The following FBXO22 variants were observed in gnomAD, a reference collection of about 807,000 sequenced individuals.
FBXO22 encodes F-box protein 22.
A neutral mutation model predicts 37.2 loss-of-function variants in FBXO22; 13 were observed. That is an observed-to-expected ratio of 0.35 (90% CI 0.23 to 0.56). FBXO22 has a LOEUF of 0.56. Ranked by LOEUF, FBXO22 falls within the 20% of genes least tolerant of loss-of-function variation. FBXO22 has a pLI of 0.87. For synonymous variants in FBXO22, 189 were observed against 189.1 expected (o/e 1.00, Z 0.00); for missense variants, 446 against 509.9 (o/e 0.87, Z 1.21).
At position 75,939,107 on chromosome 15, in the gene FBXO22, G is replaced by A. The variant is rs1323350624; in HGVS notation, c.*6005G>A. ...GAAGGAAATAATAAAGATTAGAACA[G>A]ATATAATAAATTGAATAAAGATTAG... On this transcript the variant is annotated 3_prime_UTR_variant, in exon 7 of 7. Transcript: ENST00000308275. 2 of 151,928 alleles carry A rather than the reference G, an allele frequency of 1.3e-5. No individual in the cohort carries two copies. The highest frequency in any genetic ancestry group is 1.3e-4 in the Admixed American group (2 of 15,258). 9.4% of individuals were successfully genotyped at this position (151,928 alleles called of 1,614,324 possible).
intron 6 of FBXO22, among the ~76,000 whole-genome samples, chr15:75,931,850 C>T (rs2030030983): frequency 6.6e-6 from 1 of 152,012 alleles, no homozygotes; most frequent in Non-Finnish European, 1.5e-5. Context: ...ATAAACAAGA[C>T]AAAAAAATAA....
Position 75,913,259 on chromosome 15 carries a change from T to C in FBXO22, c.336T>C (p.Ile112=), listed in dbSNP as rs371666062. The C allele has an allele frequency of 8.7e-6, 14 of 1,611,000 alleles. No individual in the cohort carries two copies. The highest frequency in any genetic ancestry group is 5.3e-5 in the African/African-American group (4 of 74,868). Residue 112 remains isoleucine, a synonymous_variant, in exon 3 of 7, where the codon ATT becomes ATC. Transcript: ENST00000308275. ...ACATGGCTGATTCAGAAACTTTCAT[T>C]AGTCTGGAAGAGTGTCGTGGCCATA... is the stretch of plus-strand genomic sequence containing the variant. ...VLYMADSETF[I]SLEECRGHKR...
Position 75,942,271 on chromosome 15 carries a change from CAT to C in FBXO22, c.*9171_*9172del, listed in dbSNP as rs1362450844. ...ATATATTGGTCAAAATCCATAAAGA[CAT>C]ACAACAAAAAGAGGACCCTTCATGT... On this transcript the variant is annotated 3_prime_UTR_variant, in exon 7 of 7. Transcript: ENST00000308275. 1 of 151,994 alleles carries C rather than the reference CAT, an allele frequency of 6.6e-6. No homozygotes were observed. Among genetic ancestry groups the C allele is most frequent in the Middle Eastern group, 3.2e-3 (1 of 316 alleles). The allele number at this position is 151,994 out of a possible 1,614,324, so 9.4% of individuals were successfully genotyped here.
At position 75,940,674 on chromosome 15, in the gene FBXO22, G is replaced by T. The variant is rs964961476; in HGVS notation, c.*7572G>T. 3.3e-5 allele frequency: 5 copies of T among 152,110 alleles called. No homozygotes were observed. Among genetic ancestry groups the T allele is most frequent in the African/African-American group, 1.2e-4 (5 of 41,428 alleles). The allele number at this position is 152,110 out of a possible 1,614,324, so 9.4% of individuals were successfully genotyped here. On this transcript the variant is annotated 3_prime_UTR_variant, in exon 7 of 7. Transcript: ENST00000308275. ...CCAATGGGATAGACTGGAGAACCTAGAAATAAACCCTCTCATATGTAGGTA... is the reference window on the plus strand; with the variant it reads ...CCAATGGGATAGACTGGAGAACCTATAAATAAACCCTCTCATATGTAGGTA...
In FBXO22 at chr15:75,940,733, A is replaced by G. The variant is rs1448340607; in HGVS notation, c.*7631A>G. On this transcript the variant is annotated 3_prime_UTR_variant, in exon 7 of 7. Coordinates refer to ENST00000308275, the MANE Select transcript of FBXO22 (RefSeq NM_147188.3). ...TTGACAAGGGTGCCAAGGCTATTCC[A>G]AGGATAGTTTTTTCAACAAATAATG... is the stretch of plus-strand genomic sequence containing the variant. 6.6e-6 allele frequency: 1 copy of G among 151,752 alleles called. No individual in the cohort carries two copies. Among genetic ancestry groups the G allele is most frequent in the African/African-American group, 2.4e-5 (1 of 41,312 alleles). 9.4% of individuals were successfully genotyped at this position (151,752 alleles called of 1,614,324 possible).
intron 1 of FBXO22, 72 bp downstream of exon 1, chr15:75,904,175 G>C (rs563093265): frequency 4.9e-5 from 72 of 1,465,968 alleles, no homozygotes; most frequent in Middle Eastern, 4.9e-4. Context: ...CTGGCGGGGT[G>C]GGGGGAGAGA....
intron 5 of FBXO22, among the ~76,000 whole-genome samples, chr15:75,919,380 CAATGTATA>C (rs1226795601): frequency 6.6e-6 from 1 of 152,158 alleles, no homozygotes; most frequent in Admixed American, 6.5e-5. Context: ...AGCCCTTCCA[CAATGTATA>C]TATACTTCAA....
intron 5 of FBXO22, among the ~76,000 whole-genome samples, chr15:75,919,261 C>T (rs765882635): frequency 2.0e-5 from 3 of 152,240 alleles, no homozygotes; most frequent in Non-Finnish European, 2.9e-5. Context: ...TGTGAGCCAT[C>T]GTGCCTGGCC....
At position 75,904,482 on chromosome 15, in the gene FBXO22, C is replaced by T; in HGVS notation, c.141-9C>T. 6.2e-7 allele frequency: 1 copy of T among 1,613,712 alleles called. No individual in the cohort carries two copies. The highest frequency in any genetic ancestry group is 2.2e-5 in the East Asian group (1 of 44,820). On this transcript the variant is annotated splice_polypyrimidine_tract_variant and intron_variant, in intron 1 of 6. Coordinates refer to ENST00000308275, the MANE Select transcript of FBXO22 (RefSeq NM_147188.3). Reference sequence around the variant, plus strand: ...CCGTTCGCAATCCTTTGTGCGTTTGCGTCCTCAGCGTGTGCCGCTTATGGA... The same window carrying T: ...CCGTTCGCAATCCTTTGTGCGTTTGTGTCCTCAGCGTGTGCCGCTTATGGA...
rs976174365 is a variant in FBXO22 at position 75,929,876 on chromosome 15, C to G, written c.629-8C>G. The G allele has an allele frequency of 5.6e-6, 9 of 1,613,882 alleles. No individual in the cohort carries two copies. The highest frequency in any genetic ancestry group is 7.6e-6 in the Non-Finnish European group (9 of 1,179,852). ...TGTCTTTAACTGTTGCTCTTCATTT[C>G]TCTGCAGGTCTTTTAGATAACCCTG... is the stretch of plus-strand genomic sequence containing the variant. On this transcript the variant is annotated splice_polypyrimidine_tract_variant and splice_region_variant and intron_variant, in intron 5 of 6. Transcript: ENST00000308275.
rs957654667 is a variant in FBXO22, at chr15:75,933,461, C to G, written c.*359C>G. On this transcript the variant is annotated 3_prime_UTR_variant, in exon 7 of 7. Transcript: ENST00000308275. ...TAGATTTAAGACATTCCCTGACTACCCCTTGCGTTGTTAGGTGATGTCTTT... is the reference window on the plus strand; with the variant it reads ...TAGATTTAAGACATTCCCTGACTACGCCTTGCGTTGTTAGGTGATGTCTTT... 2 of 209,374 alleles carry G rather than the reference C, an allele frequency of 9.6e-6. No homozygotes were observed. Among genetic ancestry groups the G allele is most frequent in the Non-Finnish European group, 1.9e-5 (2 of 103,872 alleles). The allele number at this position is 209,374 out of a possible 1,614,324, so 13.0% of individuals were successfully genotyped here.
At chr15:75,926,630 T>C (rs1489423435) in intron 5 of FBXO22, among the ~76,000 whole-genome samples, 3 of 152,224 alleles carry the variant, frequency 2.0e-5, no homozygotes, top group Admixed American at 6.5e-5. Context: ...CGAGGTTTAC[T>C]GAGCCAGAGG....
intron 5 of FBXO22, among the ~76,000 whole-genome samples, chr15:75,922,422 G>A (rs1264773420): frequency 1.3e-5 from 2 of 152,236 alleles, no homozygotes; most frequent in Non-Finnish European, 2.9e-5. Context: ...GATCAAGGAG[G>A]CTTCCAGAAG....
intron 5 of FBXO22, 131 bp from the exon 6 acceptor site, chr15:75,929,753 A>C (rs2029943719): frequency 4.2e-6 from 4 of 941,706 alleles, no homozygotes; most frequent in Non-Finnish European, 6.2e-6. Context: ...AAAAATGGAA[A>C]ATTTGATAGC....
chr15:75,925,834 T>TG (rs1490381927), intron 5 of FBXO22, among the ~76,000 whole-genome samples: 1 of 151,884 alleles, frequency 6.6e-6, no homozygotes, highest in Non-Finnish European at 1.5e-5. Flanking sequence ...AGGAGGAGGG[T>TG]GGGGGCTTGG....
At chr15:75,922,261 A>G (rs576957184) in intron 5 of FBXO22, among the ~76,000 whole-genome samples, 105 of 152,388 alleles carry the variant, frequency 6.9e-4, no homozygotes, top group African/African-American at 2.3e-3. Context: ...CCACTGTTGC[A>G]TATGCTTACT....
chr15:75,913,820 G>C (rs934010731), intron 3 of FBXO22, among the ~76,000 whole-genome samples: 1 of 152,084 alleles, frequency 6.6e-6, no homozygotes, highest in African/African-American at 2.4e-5. Flanking sequence ...AGGTACAATA[G>C]CAAGTCTAAA....
intron 2 of FBXO22, among the ~76,000 whole-genome samples, chr15:75,908,076 T>C (rs2141702479): frequency 6.6e-6 from 1 of 152,350 alleles, no homozygotes; most frequent in South Asian, 2.1e-4. Context: ...TTGAGGCTTG[T>C]TATGTCACTA....
At chr15:75,915,117 GCCA>G (rs1156331950) in intron 4 of FBXO22, among the ~76,000 whole-genome samples, 16 of 152,008 alleles carry the variant, frequency 1.1e-4, no homozygotes, top group African/African-American at 3.6e-4. Context: ...ACAGGCGCCC[GCCA>G]CCACCACACC....
Sources: gnomAD v4.1 joint callset for allele counts (sites outside exome capture counted in the v4.1 genomes callset) on GRCh38, gnomAD v4.1.1 for gene constraint, MANE v1.5 for transcripts, NCBI Gene and HGNC (gene_info 2026-07-23, HGNC 2026-07-21) for gene names.